PRDM8: variants seen among roughly 807,000 people sequenced by gnomAD.
The protein encoded by PRDM8 is PR/SET domain 8.
Under a neutral mutation model 46.5 loss-of-function variants are expected in PRDM8, and 13 were observed. The ratio of observed to expected loss-of-function variants is 0.28; its 90% CI spans 0.18 to 0.44. PRDM8 has a LOEUF of 0.44. Ranked by LOEUF, PRDM8 falls within the 20% of genes least tolerant of loss-of-function variation. PRDM8 has a pLI of 1.00. For missense variants in PRDM8, 998 were observed against 955.0 expected, an observed-to-expected ratio of 1.04 and a Z score of -0.59; for synonymous variants, 473 against 438.4, an observed-to-expected ratio of 1.08 and a Z score of -0.98.
rs1302801966 is a variant in PRDM8, at chr4:80,203,220, C to T, written c.1758C>T (p.Ser586=). 2.6e-6 allele frequency: 4 copies of T among 1,552,740 alleles called. No homozygotes were observed. Among genetic ancestry groups the T allele is most frequent in the East Asian group, 2.4e-5 (1 of 41,362 alleles). ...LYATAFWPKS[S]AAAAAAAAAA... The stretch of plus-strand genomic sequence containing the variant: ...CCACCGCCTTCTGGCCCAAGAGCTC[C>T]GCTGCCGCTGCAGCCGCGGCTGCGG... Residue 586 remains serine (S), a synonymous_variant, in exon 4 of 4, where the codon TCC becomes TCT. Coordinates refer to ENST00000415738, the MANE Select transcript of PRDM8 (RefSeq NM_001099403.2).
Position 80,202,947 on chromosome 4 carries a change from C to G in PRDM8, c.1485C>G (p.Asp495Glu). Reference protein sequence around the residue: ...GAGGGQGAASDERKSAFSQPA... With the variant: ...GAGGGQGAASEERKSAFSQPA... ...GCGGGGGCCAGGGCGCCGCGTCGGACGAGCGCAAAAGCGCCTTCTCGCAGC... is the reference window on the plus strand; with the variant it reads ...GCGGGGGCCAGGGCGCCGCGTCGGAGGAGCGCAAAAGCGCCTTCTCGCAGC... Residue 495 changes from aspartate to glutamate, a missense_variant, in exon 4 of 4, where the codon GAC becomes GAG. By Grantham distance (45) the Asp-to-Glu change is conservative (BLOSUM62 2). Coordinates refer to ENST00000415738, the MANE Select transcript of PRDM8 (RefSeq NM_001099403.2). 2 of 1,472,016 alleles carry G rather than the reference C, an allele frequency of 1.4e-6. No individual in the cohort carries two copies. Among genetic ancestry groups the G allele is most frequent in the Non-Finnish European group, 1.8e-6 (2 of 1,119,282 alleles). 91.2% of individuals were successfully genotyped at this position (1,472,016 alleles called of 1,614,324 possible). A position where few individuals can be genotyped will look rare whatever the true frequency, so the allele number is the denominator to read the frequency against.
chr4:80,189,049 T>C (rs1224204996), intron 1 of PRDM8, among the ~76,000 whole-genome samples: 1 of 152,046 alleles, frequency 6.6e-6, no homozygotes, highest in East Asian at 1.9e-4. Context: ...ATCCACCCGG[T>C]CCGCATCTGA....
At chr4:80,189,460 AGG>A (rs1328548431) in intron 1 of PRDM8, among the ~76,000 whole-genome samples, 1 of 152,134 alleles carries the variant, frequency 6.6e-6, no homozygotes, top group Admixed American at 6.5e-5. Flanking sequence ...GCTGGGAAAG[AGG>A]GAAGGGATGA....
chr4:80,203,218 T>TCCGCTG lies in PRDM8; in HGVS notation c.1764_1769dup (p.Ala597_Ala598dup). On this transcript the variant is annotated inframe_insertion, in exon 4 of 4. Coordinates refer to ENST00000415738, the MANE Select transcript of PRDM8 (RefSeq NM_001099403.2). ...CGCCACCGCCTTCTGGCCCAAGAGCTCCGCTGCCGCTGCAGCCGCGGCTGC... is the reference window on the plus strand; with the variant it reads ...CGCCACCGCCTTCTGGCCCAAGAGCTCCGCTGCCGCTGCCGCTGCAGCCGCGGCTGC... 6.4e-7 allele frequency: 1 copy of TCCGCTG among 1,551,668 alleles called. No homozygotes were observed. Among genetic ancestry groups the TCCGCTG allele is most frequent in the Non-Finnish European group, 8.7e-7 (1 of 1,150,336 alleles).
At chr4:80,187,248 G>GTT (rs111488766) in intron 1 of PRDM8, among the ~76,000 whole-genome samples, 5 of 93,766 alleles carry the variant, frequency 5.3e-5, no homozygotes, top group Non-Finnish European at 8.8e-5. Flanking sequence ...CTGCCCTGGG[G>GTT]CGGGGGGAAG....
chr4:80,190,936 A>G (rs1737495323), intron 1 of PRDM8, among the ~76,000 whole-genome samples: 2 of 152,160 alleles, frequency 1.3e-5, no homozygotes, highest in Admixed American at 6.5e-5. Flanking sequence ...CAGTAAACTG[A>G]CTCTAGAATA....
upstream of PRDM8, chr4:80,196,055 G>A (rs1263567622): frequency 3.7e-5 from 36 of 985,174 alleles, no homozygotes; most frequent in Admixed American, 1.2e-4. Flanking sequence ...TCACCAGGCT[G>A]TCAAAGCCTC....
At chr4:80,198,695 A>C (rs989251842) in intron 1 of PRDM8, among the ~76,000 whole-genome samples, 2 of 152,150 alleles carry the variant, frequency 1.3e-5, no homozygotes, top group Non-Finnish European at 2.9e-5. Context: ...AATGGGGGGA[A>C]AAAAGCACAC....
rs752328279 is a variant in PRDM8 at position 80,200,148 on chromosome 4, C to A, written c.68C>A (p.Thr23Lys). 1.7e-5 allele frequency: 27 copies of A among 1,614,008 alleles called. No individual in the cohort carries two copies. The highest frequency in any genetic ancestry group is 8.3e-5 in the Admixed American group (5 of 59,996). Residue 23 changes from threonine to lysine, a missense_variant, in exon 2 of 4, where the codon ACA becomes AAA. Transcript: ENST00000415738. ...GCCAAGGCTGTCCAACAATGTCTGA[C>A]AGATATTTTTACCAGCGTTTACACC... ...GDAKAVQQCL[T>K]DIFTSVYTTC... is the part of the protein sequence containing the mutation.
Position 80,203,148 on chromosome 4 carries a change from G to A in PRDM8, c.1686G>A (p.Leu562=), listed in dbSNP as rs1256762941. The change falls in exon 4 of 4, where the codon CTG becomes CTA. Residue 562 remains leucine (L), a synonymous_variant. Coordinates refer to ENST00000415738, the MANE Select transcript of PRDM8 (RefSeq NM_001099403.2). ...ACCTGAACGGAGGTTGCGGGTCCCT[G>A]CCGAGCGGCGGCGGCGGCCTGCCTA... is the stretch of plus-strand genomic sequence containing the variant. ...AADLNGGCGS[L]PSGGGGLPKQ... The A allele has an allele frequency of 6.4e-7, 1 of 1,551,098 alleles. No individual in the cohort carries two copies. Among genetic ancestry groups the A allele is most frequent in the South Asian group, 1.2e-5 (1 of 85,408 alleles).
rs200010979 is a variant in PRDM8, at chr4:80,202,184, C to A, written c.722C>A (p.Pro241Gln). ...CTCCACCACTACCCATCCCCCTCCC[C>A]GGAAAGCAGCAACCCATCCGCTGCC... ...GPLHHYPSPS[P>Q]ESSNPSAAAG... The change falls in exon 4 of 4, where the codon CCG becomes CAG. Residue 241 changes from proline to glutamine, a missense_variant. Pro to Gln is a moderately conservative substitution (Grantham distance 76). Transcript: ENST00000415738. 1,507 of 1,612,002 alleles carry A rather than the reference C, an allele frequency of 9.3e-4. 15 individuals carry two copies. In the African/African-American group the frequency reaches 0.016, roughly 17 times the overall value.
In PRDM8 at chr4:80,200,386, T is replaced by C. The variant is rs969926212; in HGVS notation, c.219+87T>C. On this transcript the variant is annotated intron_variant, in intron 2 of 3. Coordinates refer to ENST00000415738, the MANE Select transcript of PRDM8 (RefSeq NM_001099403.2). Reference sequence around the variant, plus strand: ...AAATAATTATAATGACAAGTGGAGATAGGTTTTGCCTGTGGAAAAATGCAA... The same window carrying C: ...AAATAATTATAATGACAAGTGGAGACAGGTTTTGCCTGTGGAAAAATGCAA... The C allele has an allele frequency of 7.1e-6, 9 of 1,261,006 alleles. No individual in the cohort carries two copies. In the South Asian group the frequency reaches 9.2e-5, roughly 13 times the overall value. 78.1% of individuals were successfully genotyped at this position (1,261,006 alleles called of 1,614,324 possible).
intron 1 of PRDM8, among the ~76,000 whole-genome samples, chr4:80,187,247 G>GT (rs1553903061): frequency 7.5e-5 from 9 of 119,896 alleles, no homozygotes; most frequent in African/African-American, 2.0e-4. Flanking sequence ...TCTGCCCTGG[G>GT]GCGGGGGGAA....
rs752993100 is a variant in PRDM8 at position 80,202,112 on chromosome 4, A to T, written c.650A>T (p.Gln217Leu). ...GGGKDQQQQQ[Q>L]EAPLGPGPKF... ...GGCAAAGACCAGCAGCAGCAGCAGCAGGAGGCACCTTTAGGCCCGGGTCCC... is the reference window on the plus strand; with the variant it reads ...GGCAAAGACCAGCAGCAGCAGCAGCTGGAGGCACCTTTAGGCCCGGGTCCC... Residue 217 changes from glutamine to leucine, a missense_variant, in exon 4 of 4, where the codon CAG (glutamine) becomes CTG (leucine). By Grantham distance (113) the Gln-to-Leu change is moderately radical. Transcript: ENST00000415738. The T allele has an allele frequency of 5.6e-6, 9 of 1,605,714 alleles. No homozygotes were observed. In the South Asian group the frequency reaches 9.9e-5, roughly 18 times the overall value.
At position 80,203,140 on chromosome 4, in the gene PRDM8, G is replaced by A. The variant is rs767788716; in HGVS notation, c.1678G>A (p.Gly560Arg). 1.9e-6 allele frequency: 3 copies of A among 1,557,398 alleles called. No individual in the cohort carries two copies. The highest frequency in any genetic ancestry group is 2.6e-6 in the Non-Finnish European group (3 of 1,159,344). ...GGCCGCGGACCTGAACGGAGGTTGCGGGTCCCTGCCGAGCGGCGGCGGCGG... is the reference window on the plus strand; with the variant it reads ...GGCCGCGGACCTGAACGGAGGTTGCAGGTCCCTGCCGAGCGGCGGCGGCGG... Reference protein sequence around the residue: ...QGAADLNGGCGSLPSGGGGLP... With the variant: ...QGAADLNGGCRSLPSGGGGLP... The change falls in exon 4 of 4, where the codon GGG becomes AGG. Residue 560 changes from glycine to arginine, a missense_variant. Transcript: ENST00000415738.
intron 2 of PRDM8, among the ~76,000 whole-genome samples, chr4:80,200,830 A>T (rs1738388010): frequency 6.6e-6 from 1 of 152,228 alleles, no homozygotes; most frequent in Non-Finnish European, 1.5e-5. Flanking sequence ...CTCATTTCCT[A>T]TTCTTCTTTA....
upstream of PRDM8, among the ~76,000 whole-genome samples, chr4:80,193,101 G>A (rs1444949414): frequency 6.6e-6 from 1 of 152,154 alleles, no homozygotes; most frequent in African/African-American, 2.4e-5. Flanking sequence ...CATTTACGAG[G>A]AAAAGCCCAA....
At chr4:80,186,733 C>T (rs892441068) in intron 1 of PRDM8, among the ~76,000 whole-genome samples, 1 of 152,166 alleles carries the variant, frequency 6.6e-6, no homozygotes, top group African/African-American at 2.4e-5. Context: ...CTGATGCATG[C>T]GATATTGCCC....
chr4:80,202,934 G>T lies in PRDM8; in HGVS notation c.1472G>T (p.Gly491Val). ...GAAGGAGGGQ[G>V]AASDERKSAF... ...GCAGGCGGCGCGGGCGGGGGCCAGGGCGCCGCGTCGGACGAGCGCAAAAGC... is the reference window on the plus strand; with the variant it reads ...GCAGGCGGCGCGGGCGGGGGCCAGGTCGCCGCGTCGGACGAGCGCAAAAGC... The change falls in exon 4 of 4, where the codon GGC becomes GTC. Residue 491 changes from glycine (G) to valine (V), a missense_variant. Coordinates refer to ENST00000415738, the MANE Select transcript of PRDM8 (RefSeq NM_001099403.2). 6.9e-7 allele frequency: 1 copy of T among 1,450,422 alleles called. No individual in the cohort carries two copies. The highest frequency in any genetic ancestry group is 9.0e-7 in the Non-Finnish European group (1 of 1,108,172). The allele number at this position is 1,450,422 out of a possible 1,614,324, so 89.8% of individuals were successfully genotyped here.
Sources: gnomAD v4.1 joint callset for allele counts (sites outside exome capture counted in the v4.1 genomes callset) on GRCh38, gnomAD v4.1.1 for gene constraint, MANE v1.5 for transcripts, NCBI Gene and HGNC (gene_info 2026-07-23, HGNC 2026-07-21) for gene names.